MCM9: variants seen among roughly 807,000 people sequenced by gnomAD.
MCM9 encodes the protein DNA helicase MCM9.
MCM9 carries 55 observed loss-of-function variants against 72.8 expected under a neutral mutation model. The ratio of observed to expected loss-of-function variants is 0.76; its 90% CI spans 0.61 to 0.95. MCM9 has a LOEUF of 0.95. Among genes scored for constraint, MCM9 ranks in the 40% least tolerant of loss-of-function variants. The pLI is 0.00. For synonymous variants in MCM9, 480 were observed against 503.4 expected (o/e 0.95, Z 0.62); for missense variants, 1,279 against 1,377.0 (o/e 0.93, Z 1.13).
intron 7 of MCM9, chr6:118,912,705 C>T (rs1294643043): frequency 6.6e-6 from 1 of 152,564 alleles, no homozygotes; most frequent in Admixed American, 6.5e-5. Context: ...CGTACAGGGC[C>T]GTAATAACCC....
intron 9 of MCM9, among the ~76,000 whole-genome samples, chr6:118,833,502 C>T (rs1774735665): frequency 6.6e-6 from 1 of 152,098 alleles, no homozygotes; most frequent in African/African-American, 2.4e-5. Context: ...GCACTACACA[C>T]ACAACAGCTG....
At chr6:118,843,671 T>TACAC (rs1775618535) in intron 9 of MCM9, among the ~76,000 whole-genome samples, 9 of 69,880 alleles carry the variant, frequency 1.3e-4, no homozygotes, top group African/African-American at 6.1e-4. Flanking sequence ...TATATATATG[T>TACAC]ATGTATATAT....
At chr6:118,841,834 C>CTTT (rs1775388043) in intron 9 of MCM9, among the ~76,000 whole-genome samples, 1 of 144,562 alleles carries the variant, frequency 6.9e-6, no homozygotes, top group African/African-American at 2.6e-5. Flanking sequence ...AGCTATCTTG[C>CTTT]CTTTTTTTTT....
chr6:118,925,917 G>A (rs1781855980), intron 3 of MCM9, among the ~76,000 whole-genome samples: 1 of 151,644 alleles, frequency 6.6e-6, no homozygotes, highest in African/African-American at 2.4e-5. Flanking sequence ...AAAAAAATAT[G>A]AATACTTAAA....
At chr6:118,828,570 C>T (rs541974071) in intron 10 of MCM9, among the ~76,000 whole-genome samples, 3 of 151,946 alleles carry the variant, frequency 2.0e-5, no homozygotes, top group South Asian at 2.1e-4. Flanking sequence ...ATTTTAGTAG[C>T]GATGGGGTTT....
rs1168061881 is a variant in MCM9, at chr6:118,843,674, GTA to G, written c.1325+12695_1325+12696del. Reference sequence around the variant, plus strand: ...TATATATGTGTATATATATATGTATGTATATATATATGTGTATATATATATAT... The same window carrying G: ...TATATATGTGTATATATATATGTATGTATATATATGTGTATATATATATAT... On this transcript the variant is annotated intron_variant, in intron 9 of 13. Coordinates refer to ENST00000619706, the MANE Select transcript of MCM9 (RefSeq NM_017696.3). Among the ~76,000 whole-genome samples, 17 of 12,920 alleles carry G rather than the reference GTA, an allele frequency of 1.3e-3. 1 individual carries two copies. The highest frequency in any genetic ancestry group is 2.7e-3 in the African/African-American group (13 of 4,830). The allele number at this position is 12,920 out of a possible 152,430, so 8.5% of individuals were successfully genotyped here. A position where few individuals can be genotyped will look rare whatever the true frequency, so the allele number is the denominator to read the frequency against.
At position 118,893,906 on chromosome 6, in the gene MCM9, C is replaced by T. The variant is rs1011268316; in HGVS notation, c.1150+17744G>A. 3.9e-5 allele frequency: 20 copies of T among 517,914 alleles called. No individual in the cohort carries two copies. In the South Asian group the frequency reaches 1.3e-3, roughly 35 times the overall value. 32.1% of individuals were successfully genotyped at this position (517,914 alleles called of 1,614,324 possible). ...CGAAGCCAACTGGAGGGGCGGGCGT[C>T]GGCCGGATCGCGCCCTCCCGCCGCA... On this transcript the variant is annotated intron_variant, in intron 8 of 13. Coordinates refer to ENST00000619706, the MANE Select transcript of MCM9 (RefSeq NM_017696.3).
chr6:118,929,031 G>T (rs758713768), intron 3 of MCM9, among the ~76,000 whole-genome samples: 18 of 151,926 alleles, frequency 1.2e-4, no homozygotes, highest in Non-Finnish European at 2.1e-4. Context: ...ACCAGCCTGA[G>T]CAACATGGCA....
chr6:118,822,857 G>A lies in MCM9; in HGVS notation c.1961+3290C>T, dbSNP rs150190852. Among the ~76,000 whole-genome samples, 272 of 152,274 alleles carry A rather than the reference G, an allele frequency of 1.8e-3. 1 individual carries two copies. The highest frequency in any genetic ancestry group is 5.9e-3 in the African/African-American group (246 of 41,548). ...GAAGGTATCTGGCCACAGCCAATTC[G>A]CCACACTGTGGTGGATTCCACCCAG... On this transcript the variant is annotated intron_variant, in intron 13 of 13. Transcript: ENST00000619706.
At chr6:118,848,388 G>A (rs1583423149) in intron 9 of MCM9, among the ~76,000 whole-genome samples, 1 of 151,656 alleles carries the variant, frequency 6.6e-6, no homozygotes, top group Admixed American at 6.6e-5. Flanking sequence ...CCTAGAATAG[G>A]GGTTGTCAAA....
rs564323368 is a variant in MCM9, at chr6:118,829,087, A to G, written c.1489T>C (p.Trp497Arg). The G allele has an allele frequency of 1.9e-6, 3 of 1,550,680 alleles. No homozygotes were observed. In the South Asian group the frequency reaches 3.6e-5, roughly 18 times the overall value. The change falls in exon 10 of 14, where the codon TGG becomes CGG. Residue 497 changes from tryptophan (W) to arginine (R), a missense_variant. Coordinates refer to ENST00000619706, the MANE Select transcript of MCM9 (RefSeq NM_017696.3). ...LVLLDTKNEDWDRIISSFILE... is the reference protein window; with the variant it reads ...LVLLDTKNEDRDRIISSFILE... ...ATAAAGGAGGAAATGATACGATCCC[A>G]GTCTTCATTCTTGGTATCAAGCAAA... is the stretch of plus-strand genomic sequence containing the variant.
intron 5 of MCM9, 49 bp downstream of exon 5, chr6:118,921,956 T>C (rs1781465810): frequency 7.0e-7 from 1 of 1,420,136 alleles, no homozygotes; most frequent in Non-Finnish European, 9.8e-7. Context: ...TCCTAATCAA[T>C]ACTTTAGGAC....
intron 1 of MCM9, among the ~76,000 whole-genome samples, chr6:118,933,551 T>C (rs989385588): frequency 4.0e-5 from 6 of 151,520 alleles, no homozygotes; most frequent in African/African-American, 9.7e-5. Context: ...TGGAAAGAGA[T>C]TGAGGACTGG....
intron 8 of MCM9, among the ~76,000 whole-genome samples, chr6:118,863,385 G>A (rs1777022993): frequency 6.6e-6 from 1 of 152,102 alleles, no homozygotes; most frequent in Non-Finnish European, 1.5e-5. Flanking sequence ...TTTTAAAAAG[G>A]CATATAATTG....
At chr6:118,821,768 G>GGTATGGTCTT (rs1773828286) in intron 13 of MCM9, among the ~76,000 whole-genome samples, 1 of 152,012 alleles carries the variant, frequency 6.6e-6, no homozygotes, top group South Asian at 2.1e-4. Context: ...ATCAATCTTA[G>GGTATGGTCTT]GTATGGTCTT....
Position 118,815,014 on chromosome 6 carries a change from C to T in MCM9, c.3242G>A (p.Arg1081Gln), listed in dbSNP as rs1423480826. The T allele has an allele frequency of 3.9e-6, 6 of 1,550,204 alleles. No homozygotes were observed. Among genetic ancestry groups the T allele is most frequent in the Non-Finnish European group, 5.2e-6 (6 of 1,146,798 alleles). Reference sequence around the variant, plus strand: ...AGGGGAGCTTGGGCCTCTCTCACCTCGGTTCTTCCTTTCAGGAGGAGGGGA... The same window carrying T: ...AGGGGAGCTTGGGCCTCTCTCACCTTGGTTCTTCCTTTCAGGAGGAGGGGA... ...SKSPPPERKN[R>Q]GERGPSSPPT... Residue 1081 changes from arginine (R) to glutamine (Q), a missense_variant, in exon 14 of 14, where the codon CGA becomes CAA. By Grantham distance (43) the Arg-to-Gln change is conservative. Coordinates refer to ENST00000619706, the MANE Select transcript of MCM9 (RefSeq NM_017696.3).
intron 8 of MCM9, among the ~76,000 whole-genome samples, chr6:118,905,001 C>A (rs553537345): frequency 4.5e-4 from 68 of 152,224 alleles, no homozygotes; most frequent in Middle Eastern, 6.8e-3. Flanking sequence ...CCATGCCCAG[C>A]TAATTTTTGT....
chr6:118,896,042 T>C (rs1387785817), intron 8 of MCM9, among the ~76,000 whole-genome samples: 1 of 73,374 alleles, frequency 1.4e-5, no homozygotes, highest in African/African-American at 6.9e-5. Context: ...TGTGCCCCCG[T>C]TTTTTTTTTT....
chr6:118,888,345 G>C (rs1180838845), intron 8 of MCM9, among the ~76,000 whole-genome samples: 3 of 152,080 alleles, frequency 2.0e-5, no homozygotes, highest in African/African-American at 7.2e-5. Flanking sequence ...AAATTAGCCG[G>C]GTGTGGTGGC....
Sources: allele counts gnomAD v4.1 joint callset (sites outside exome capture counted in the v4.1 genomes callset), GRCh38; gene constraint gnomAD v4.1.1; transcripts MANE v1.5; gene names NCBI Gene and HGNC (gene_info 2026-07-23, HGNC 2026-07-21).